The following MED13L variants were observed in gnomAD, a reference collection of about 807,000 sequenced individuals.
The protein encoded by MED13L is mediator of RNA polymerase II transcription subunit 13-like.
MED13L carries 7 observed loss-of-function variants against 220.9 expected under a neutral mutation model. The ratio of observed to expected loss-of-function variants is 0.03; its 90% CI spans 0.02 to 0.06. The LOEUF (loss-of-function observed/expected upper bound fraction) is 0.06. MED13L is among the 10% of genes least tolerant of loss of function. The pLI is 1.00. For synonymous variants in MED13L, 1,011 were observed against 1,015.2 expected (o/e 1.00, Z 0.08); for missense variants, 1,965 against 2,760.5 (o/e 0.71, Z 6.46).
intron 1 of MED13L, among the ~76,000 whole-genome samples, chr12:116,238,532 T>G (rs1870312413): frequency 1.3e-5 from 2 of 152,208 alleles, no homozygotes; most frequent in African/African-American, 4.8e-5. Context: ...TATTGAAAAC[T>G]AATAGTAAAA....
intron 2 of MED13L, among the ~76,000 whole-genome samples, chr12:116,182,047 C>T (rs1880566939): frequency 6.6e-6 from 1 of 152,074 alleles, no homozygotes; most frequent in South Asian, 2.1e-4. Context: ...CAGGTCCAAC[C>T]ACCTTTCACT....
At chr12:116,217,117 G>A (rs1350191760) in intron 2 of MED13L, among the ~76,000 whole-genome samples, 1 of 152,170 alleles carries the variant, frequency 6.6e-6, no homozygotes, top group Non-Finnish European at 1.5e-5. Flanking sequence ...CAATTGTGCT[G>A]GGATGTGTGC....
rs1305897048 is a variant in MED13L, at chr12:115,959,213, G to A, written c.*2053C>T. 1 of 152,366 alleles carries A rather than the reference G, an allele frequency of 6.6e-6. No individual in the cohort carries two copies. The highest frequency in any genetic ancestry group is 1.5e-5 in the Non-Finnish European group (1 of 67,996). The allele number at this position is 152,366 out of a possible 1,614,324, so 9.4% of individuals were successfully genotyped here. A position where few individuals can be genotyped will look rare whatever the true frequency, so the allele number is the denominator to read the frequency against. On this transcript the variant is annotated 3_prime_UTR_variant, in exon 31 of 31. Transcript: ENST00000281928. ...ACAAAAACGTATAAATATGTCACCAGCTTTTCTTAACTTAAAAAACTTAAA... is the reference window on the plus strand; with the variant it reads ...ACAAAAACGTATAAATATGTCACCAACTTTTCTTAACTTAAAAAACTTAAA...
chr12:115,961,428 G>A (rs373968190), intron 30 of MED13L, 30 bp from the exon 31 acceptor site: 30 of 1,612,370 alleles, frequency 1.9e-5, no homozygotes, highest in South Asian at 6.6e-5. Flanking sequence ...GAGCAGGGGC[G>A]TGAGCCTCAA....
At chr12:116,188,009 G>C (rs1881009170) in intron 2 of MED13L, among the ~76,000 whole-genome samples, 1 of 151,926 alleles carries the variant, frequency 6.6e-6, no homozygotes, top group Admixed American at 6.6e-5. Flanking sequence ...GCCAACAACA[G>C]TGTCACTTTT....
intron 2 of MED13L, among the ~76,000 whole-genome samples, chr12:116,176,876 CAAA>C (rs11285058): frequency 1.6e-4 from 12 of 74,216 alleles, no homozygotes; most frequent in Non-Finnish European, 1.6e-4. Context: ...AGAACTCAGC[CAAA>C]AAAAAAAAAA....
intron 2 of MED13L, among the ~76,000 whole-genome samples, chr12:116,146,493 T>C (rs1015534995): frequency 6.6e-6 from 1 of 151,992 alleles, no homozygotes; most frequent in African/African-American, 2.4e-5. Context: ...GTATGTTATA[T>C]GTGGCCCAAG....
intron 1 of MED13L, among the ~76,000 whole-genome samples, chr12:116,251,999 A>G (rs557074021): frequency 6.6e-6 from 1 of 152,220 alleles, no homozygotes; most frequent in South Asian, 2.1e-4. Context: ...ACATAAAAAA[A>G]TCTAAAATGT....
At chr12:116,243,195 C>T (rs1870804095) in intron 1 of MED13L, among the ~76,000 whole-genome samples, 1 of 152,144 alleles carries the variant, frequency 6.6e-6, no homozygotes, top group Admixed American at 6.5e-5. Context: ...GATAGCAAGA[C>T]AGGCTGGAAG....
chr12:116,168,332 A>C (rs1390689213), intron 2 of MED13L, among the ~76,000 whole-genome samples: 10 of 124,520 alleles, frequency 8.0e-5, no homozygotes, highest in Non-Finnish European at 1.3e-4. Flanking sequence ...TTTTTCTGGC[A>C]AAAAAAAAAA....
intron 17 of MED13L, among the ~76,000 whole-genome samples, chr12:115,990,699 A>G (rs1877999264): frequency 6.6e-6 from 1 of 152,208 alleles, no homozygotes; most frequent in Non-Finnish European, 1.5e-5. Context: ...AGCATGCAAG[A>G]GTGTGCAAAT....
rs1875630391 is a variant in MED13L at position 115,959,542 on chromosome 12, G to A, written c.*1724C>T. On this transcript the variant is annotated 3_prime_UTR_variant, in exon 31 of 31. Coordinates refer to ENST00000281928, the MANE Select transcript of MED13L (RefSeq NM_015335.5). ...CTTCTTATGCTCTTCAAAAGGCCTT[G>A]AGAATTTTCCTTTCTGATTAAGAAA... 1 of 152,472 alleles carries A rather than the reference G, an allele frequency of 6.6e-6. No homozygotes were observed. Among genetic ancestry groups the A allele is most frequent in the African/African-American group, 2.4e-5 (1 of 41,412 alleles). 9.4% of individuals were successfully genotyped at this position (152,472 alleles called of 1,614,324 possible). A position where few individuals can be genotyped will look rare whatever the true frequency, so the allele number is the denominator to read the frequency against.
intron 4 of MED13L, among the ~76,000 whole-genome samples, chr12:116,093,676 C>T (rs991198573): frequency 6.6e-5 from 10 of 151,966 alleles, no homozygotes; most frequent in African/African-American, 2.4e-4. Context: ...CTAGCATATA[C>T]TATCTATATG....
chr12:116,150,315 G>T (rs148477112), intron 2 of MED13L, among the ~76,000 whole-genome samples: 1 of 152,308 alleles, frequency 6.6e-6, no homozygotes, highest in Admixed American at 6.5e-5. Flanking sequence ...TTCCCTTACA[G>T]CAGTGCCAGC....
chr12:116,108,117 A>C (rs1044795290), intron 3 of MED13L, among the ~76,000 whole-genome samples: 6 of 151,948 alleles, frequency 3.9e-5, no homozygotes, highest in African/African-American at 1.5e-4. Flanking sequence ...AAACAAAAAA[A>C]AAAAACCCCT....
At chr12:116,134,526 TATG>T (rs770199755) in intron 2 of MED13L, among the ~76,000 whole-genome samples, 26 of 152,310 alleles carry the variant, frequency 1.7e-4, no homozygotes, top group Admixed American at 1.5e-3. Context: ...AGTGAATGGA[TATG>T]ATATCTTAGG....
chr12:116,067,923 G>A (rs1361885284), intron 4 of MED13L, among the ~76,000 whole-genome samples: 1 of 152,194 alleles, frequency 6.6e-6, no homozygotes, highest in South Asian at 2.1e-4. Flanking sequence ...TATTTCATCT[G>A]TTTAATTACA....
In MED13L at chr12:116,049,015, T is replaced by G. The variant is rs889929327; in HGVS notation, c.480-26414A>C. ...TTTAGCAGAGTGAAAATGACCAGCTTCTTCTGCCTTCCTAGCAAACAAAAG... is the reference window on the plus strand; with the variant it reads ...TTTAGCAGAGTGAAAATGACCAGCTGCTTCTGCCTTCCTAGCAAACAAAAG... On this transcript the variant is annotated intron_variant, in intron 4 of 30. Transcript: ENST00000281928. Among the ~76,000 whole-genome samples the G allele has an allele frequency of 2.6e-5, 4 of 152,178 alleles. No individual in the cohort carries two copies. The East Asian group carries it at 7.7e-4, about 29-fold the overall frequency.
chr12:116,217,601 A>C (rs186994086), intron 2 of MED13L, among the ~76,000 whole-genome samples: 1 of 152,334 alleles, frequency 6.6e-6, no homozygotes, highest in East Asian at 1.9e-4. Flanking sequence ...AACTTTGAAG[A>C]GGCAAAAACA....
Sources: gnomAD v4.1 joint callset for allele counts (sites outside exome capture counted in the v4.1 genomes callset) on GRCh38, gnomAD v4.1.1 for gene constraint, MANE v1.5 for transcripts, NCBI Gene and HGNC (gene_info 2026-07-23, HGNC 2026-07-21) for gene names.